LRIF1: variants seen among roughly 807,000 people sequenced by gnomAD.
LRIF1 encodes the protein ligand-dependent nuclear receptor-interacting factor 1.
In LRIF1, 32 loss-of-function variants were observed where a neutral mutation model predicts 52.7. The observed-to-expected ratio is 0.61, with a 90% confidence interval of 0.46 to 0.82. The LOEUF is 0.82. LRIF1 is among the 40% of genes least tolerant of loss of function. The pLI is 0.00. For missense variants in LRIF1, 887 were observed against 892.0 expected (o/e 0.99, Z 0.07); for synonymous variants, 323 against 317.4 (o/e 1.02, Z -0.19).
the LRIF1 span, among the ~76,000 whole-genome samples, chr1:110,893,552 C>CT: frequency 6.6e-6 from 1 of 152,348 alleles, no homozygotes; most frequent in Middle Eastern, 3.4e-3. Flanking sequence ...TAACTCCCGA[C>CT]TTTAGGTGAT....
intron 2 of LRIF1, 94 bp downstream of exon 2, chr1:110,951,194 G>A (rs1658458237): frequency 9.7e-7 from 1 of 1,028,148 alleles, no homozygotes; most frequent in Admixed American, 2.3e-5. Context: ...GTTGGCAGTG[G>A]GGGAAAGAGG....
At chr1:110,886,869 A>ATATATATTT in the LRIF1 span, among the ~76,000 whole-genome samples, 3,870 of 82,474 alleles carry the variant, frequency 0.047, 191 homozygotes, top group Admixed American at 0.13. Flanking sequence ...ATATATATAT[A>ATATATATTT]TTTTTTTTTT....
downstream of LRIF1, chr1:110,943,765 C>T (rs2101098031): frequency 6.6e-6 from 1 of 152,196 alleles, no homozygotes; most frequent in South Asian, 2.1e-4. Flanking sequence ...TTGCTGTTTC[C>T]CCTGCTGGGA....
chr1:110,937,156 G>T, the LRIF1 span: 1 of 152,096 alleles, frequency 6.6e-6, no homozygotes, highest in African/African-American at 2.4e-5. Flanking sequence ...CCAATATTCA[G>T]CATTGGACAT....
At chr1:110,883,480 T>C in the LRIF1 span, among the ~76,000 whole-genome samples, 1 of 152,026 alleles carries the variant, frequency 6.6e-6, no homozygotes, top group Non-Finnish European at 1.5e-5. Context: ...TTTTCACATC[T>C]TGTTCTGAGG....
At chr1:110,954,429 C>T (rs764528651) in intron 1 of LRIF1, among the ~76,000 whole-genome samples, 41 of 152,174 alleles carry the variant, frequency 2.7e-4, no homozygotes, top group Admixed American at 8.5e-4. Flanking sequence ...CACAGATGCA[C>T]GCCACCAAAC....
At position 110,952,888 on chromosome 1, in the gene LRIF1, G is replaced by C. The variant is rs1052865080; in HGVS notation, c.69-73C>G. The C allele has an allele frequency of 5.3e-6, 4 of 758,720 alleles. No individual in the cohort carries two copies. In the South Asian group the frequency reaches 2.8e-4, roughly 52 times the overall value. 47.0% of individuals were successfully genotyped at this position (758,720 alleles called of 1,614,324 possible). ...ACATTTTATTTAAAAATAAATATTT[G>C]TAAATATTTGTAAATATTAAAATAA... On this transcript the variant is annotated intron_variant, in intron 1 of 3. Coordinates refer to ENST00000369763, the MANE Select transcript of LRIF1 (RefSeq NM_018372.4).
At chr1:110,949,792 G>T in intron 3 of LRIF1, 59 bp downstream of exon 3, 2 of 1,513,766 alleles carry the variant, frequency 1.3e-6, no homozygotes, top group South Asian at 2.5e-5. Flanking sequence ...ATCAAGAAAA[G>T]TAATATTCAT....
At position 110,963,886 on chromosome 1, in the gene LRIF1, C is replaced by G. The variant is rs1036894683; in HGVS notation, c.-198G>C. On this transcript the variant is annotated 5_prime_UTR_variant, in exon 1 of 4. Transcript: ENST00000369763. ...CCAGGCTTCGGGACGAGGTCGCGCA[C>G]CGCGCAGAAACCGGAAGGCTCCTGG... 3 of 449,988 alleles carry G rather than the reference C, an allele frequency of 6.7e-6. No homozygotes were observed. The highest frequency in any genetic ancestry group is 6.6e-5 in the Admixed American group (2 of 30,160). 27.9% of individuals were successfully genotyped at this position (449,988 alleles called of 1,614,324 possible).
the LRIF1 span, among the ~76,000 whole-genome samples, chr1:110,932,864 A>G: frequency 6.6e-6 from 1 of 152,304 alleles, no homozygotes; most frequent in Non-Finnish European, 1.5e-5. Flanking sequence ...ATCAACAATT[A>G]TTAATTGGAA....
chr1:110,907,372 G>A, the LRIF1 span, among the ~76,000 whole-genome samples: 1 of 152,152 alleles, frequency 6.6e-6, no homozygotes, highest in Non-Finnish European at 1.5e-5. Context: ...CATTAAGGTA[G>A]ATAACTTACT....
the LRIF1 span, among the ~76,000 whole-genome samples, chr1:110,908,149 G>A: frequency 2.6e-5 from 4 of 152,114 alleles, no homozygotes; most frequent in East Asian, 3.8e-4. Flanking sequence ...ACAGCAATTC[G>A]TAAATCAATT....
the LRIF1 span, among the ~76,000 whole-genome samples, chr1:110,902,525 T>C: frequency 1.2e-5 from 1 of 80,748 alleles, no homozygotes; most frequent in African/African-American, 4.5e-5. Flanking sequence ...AAAAAAGAAA[T>C]ACAGACAGAA....
At chr1:110,921,584 T>C in the LRIF1 span, among the ~76,000 whole-genome samples, 1 of 152,228 alleles carries the variant, frequency 6.6e-6, no homozygotes, top group Non-Finnish European at 1.5e-5. Flanking sequence ...AAAGACCACT[T>C]CAAGTCACCA....
At chr1:110,948,771 G>T (rs1400318026) in intron 3 of LRIF1, among the ~76,000 whole-genome samples, 1 of 152,146 alleles carries the variant, frequency 6.6e-6, no homozygotes, top group African/African-American at 2.4e-5. Flanking sequence ...AGGTTTACTA[G>T]TCTCTGATCT....
the LRIF1 span, among the ~76,000 whole-genome samples, chr1:110,925,347 C>G: frequency 2.0e-5 from 3 of 152,176 alleles, no homozygotes; most frequent in African/African-American, 7.2e-5. Context: ...TCCAACCTGT[C>G]AGCCTACTCT....
the LRIF1 span, among the ~76,000 whole-genome samples, chr1:110,923,222 C>A: frequency 6.6e-6 from 1 of 152,194 alleles, no homozygotes. Flanking sequence ...ATCTCTTCAA[C>A]CCGGGAGGCG....
intron 1 of LRIF1, among the ~76,000 whole-genome samples, chr1:110,959,362 T>C (rs867504399): frequency 4.6e-5 from 7 of 152,308 alleles, no homozygotes; most frequent in African/African-American, 1.7e-4. Context: ...GAGAAGTAAA[T>C]GAAATAACTG....
At chr1:110,896,534 C>T in the LRIF1 span, 1 of 877,440 alleles carries the variant, frequency 1.1e-6, no homozygotes, top group Non-Finnish European at 1.8e-6. Flanking sequence ...GCAATCAGAC[C>T]AATTCTGGAC....
Sources: gnomAD v4.1 joint callset for allele counts (sites outside exome capture counted in the v4.1 genomes callset) on GRCh38, gnomAD v4.1.1 for gene constraint, MANE v1.5 for transcripts, NCBI Gene and HGNC (gene_info 2026-07-23, HGNC 2026-07-21) for gene names.